Variants in SH3GL1 observed in about 807,000 individuals in gnomAD.
SH3GL1 encodes endophilin-A2.
A neutral mutation model predicts 48.8 loss-of-function variants in SH3GL1; 21 were observed. That is an observed-to-expected ratio of 0.43 (90% CI 0.30 to 0.62). The LOEUF (loss-of-function observed/expected upper bound fraction) is 0.62. Ranked by LOEUF, SH3GL1 falls within the 20% of genes least tolerant of loss-of-function variation. The pLI is 0.11. For synonymous variants in SH3GL1, 282 were observed against 217.5 expected, an observed-to-expected ratio of 1.30 and a Z score of -2.61; for missense variants, 454 against 503.0, an observed-to-expected ratio of 0.90 and a Z score of 0.93.
At chr19:4,361,853 T>G in intron 9 of SH3GL1, 57 bp from the exon 10 acceptor site, 1 of 1,302,346 alleles carries the variant, frequency 7.7e-7, no homozygotes, top group Non-Finnish European at 1.1e-6. Flanking sequence ...CCGCCCAGTC[T>G]GGGGTCTCAG....
At chr19:4,366,441 C>T in intron 3 of SH3GL1, 60 bp downstream of exon 3, 2 of 1,356,900 alleles carry the variant, frequency 1.5e-6, no homozygotes, top group Non-Finnish European at 2.1e-6. Context: ...CCCCTGCCTT[C>T]CCTCTGACAC....
intron 2 of SH3GL1, 78 bp downstream of exon 2, chr19:4,366,848 G>C: frequency 7.0e-7 from 1 of 1,419,642 alleles, no homozygotes; most frequent in East Asian, 2.3e-5. Context: ...CATCAAGGTT[G>C]GCCGCCTCCA....
Position 4,400,331 on chromosome 19 carries a change from G to A in SH3GL1, c.38C>T (p.Ala13Val). 1.3e-6 allele frequency: 2 copies of A among 1,598,912 alleles called. No homozygotes were observed. The highest frequency in any genetic ancestry group is 1.1e-5 in the South Asian group (1 of 89,898). Residue 13 changes from alanine to valine, a missense_variant, in exon 1 of 10, where the codon GCG (alanine) becomes GTG (valine). Around this residue, in one of 2 missense-constraint regions of SH3GL1, gnomAD observed 176 missense variants for 256.2 expected, o/e 0.69. Coordinates refer to ENST00000269886, the MANE Select transcript of SH3GL1 (RefSeq NM_003025.4). This position sits in a 1 kb window ranked among gnomAD's most constrained non-coding sequence, Gnocchi z 4.1. ...GCCTGGGCCTGCGCTCACCTGGCTCGCCTTGTAGAACTGCTTCTTCAGCCC... is the reference window on the plus strand; with the variant it reads ...GCCTGGGCCTGCGCTCACCTGGCTCACCTTGTAGAACTGCTTCTTCAGCCC... Reference protein sequence around the residue: ...VAGLKKQFYKASQLVSEKVGG... With the variant: ...VAGLKKQFYKVSQLVSEKVGG...
At position 4,389,131 on chromosome 19, in the gene SH3GL1, C is replaced by T. The variant is rs565191663; in HGVS notation, c.45+11193G>A. On this transcript the variant is annotated intron_variant, in intron 1 of 9. Transcript: ENST00000269886. The surrounding 1 kb of genome is among the most constrained non-coding windows in gnomAD (Gnocchi z 4.5). ...CTGAGAAGGAGCCCTCTAGCTCAGC[C>T]TCTGTAGGGGGCGTCTCTGGCAACC... Among the ~76,000 whole-genome samples the T allele has an allele frequency of 2.6e-5, 4 of 152,338 alleles. No individual in the cohort carries two copies. Among genetic ancestry groups the T allele is most frequent in the African/African-American group, 9.6e-5 (4 of 41,568 alleles).
chr19:4,397,101 A>G (rs1422947829), intron 1 of SH3GL1, among the ~76,000 whole-genome samples: 1 of 152,124 alleles, frequency 6.6e-6, no homozygotes, highest in Non-Finnish European at 1.5e-5. Context: ...TTGTTATTAG[A>G]CTAAAAACAA....
chr19:4,400,275 C>T lies in SH3GL1; in HGVS notation c.45+49G>A. The T allele has an allele frequency of 6.3e-7, 1 of 1,575,028 alleles. No individual in the cohort carries two copies. On this transcript the variant is annotated intron_variant, in intron 1 of 9. Coordinates refer to ENST00000269886, the MANE Select transcript of SH3GL1 (RefSeq NM_003025.4). This position sits in a 1 kb window ranked among gnomAD's most constrained non-coding sequence, Gnocchi z 4.1. ...CCAGGTCGGGCCTGGCTCCCTCATC[C>T]GGGCAGCCCGGGGCCCGGTACTCGG...
chr19:4,378,084 CAG>C (rs1333775074), intron 1 of SH3GL1, among the ~76,000 whole-genome samples: 1 of 152,226 alleles, frequency 6.6e-6, no homozygotes, highest in Non-Finnish European at 1.5e-5. Context: ...GGCACAGGGA[CAG>C]GGGTGGCAGA....
chr19:4,368,020 C>G (rs1221010979), intron 1 of SH3GL1, among the ~76,000 whole-genome samples: 1 of 152,250 alleles, frequency 6.6e-6, no homozygotes, highest in African/African-American at 2.4e-5. Context: ...GCCCTGCCCT[C>G]TGGGGGCCAA....
intron 1 of SH3GL1, among the ~76,000 whole-genome samples, chr19:4,383,795 C>T (rs1186207503): frequency 2.0e-5 from 3 of 152,224 alleles, no homozygotes; most frequent in South Asian, 2.1e-4. Flanking sequence ...CGGAACACAG[C>T]GTGAGAGCCG....
rs551021828 is a variant in SH3GL1, at chr19:4,368,041, G to A, written c.46-1047C>T. 1.3e-4 allele frequency among the ~76,000 whole-genome samples: 20 copies of A among 152,376 alleles called. No individual in the cohort carries two copies. The East Asian group carries it at 3.7e-3, about 28-fold the overall frequency. On this transcript the variant is annotated intron_variant, in intron 1 of 9. Transcript: ENST00000269886. ...CCCTCTGGGGGCCAAGTGTCACAGG[G>A]TGTGCCATCTCTGAAGTCATCGGCA... is the stretch of plus-strand genomic sequence containing the variant.
At chr19:4,371,063 C>A (rs185143020) in intron 1 of SH3GL1, among the ~76,000 whole-genome samples, 1 of 152,234 alleles carries the variant, frequency 6.6e-6, no homozygotes, top group Non-Finnish European at 1.5e-5. Context: ...ACCTGGGAAA[C>A]GAGCAAGCTG....
chr19:4,366,753 G>A (rs905137164), intron 2 of SH3GL1, among the ~76,000 whole-genome samples, 173 bp downstream of exon 2: 6 of 151,826 alleles, frequency 4.0e-5, no homozygotes, highest in African/African-American at 1.5e-4. Flanking sequence ...GGAGAGAGCT[G>A]GTGCCCGTCA....
chr19:4,364,051 G>A lies in SH3GL1; in HGVS notation c.465+37C>T, dbSNP rs752421108. 20 of 1,611,384 alleles carry A rather than the reference G, an allele frequency of 1.2e-5. No individual in the cohort carries two copies. In the East Asian group the frequency reaches 3.8e-4, roughly 31 times the overall value. ...AATGGGGCTGCCCCATCCGGCAGGG[G>A]GAAGGGACAGGCCCCAGGCTGGCGC... On this transcript the variant is annotated intron_variant, in intron 5 of 9. Coordinates refer to ENST00000269886, the MANE Select transcript of SH3GL1 (RefSeq NM_003025.4).
chr19:4,366,634 C>T (rs1972786709), intron 2 of SH3GL1, 61 bp from the exon 3 acceptor site: 1 of 1,467,026 alleles, frequency 6.8e-7, no homozygotes, highest in Non-Finnish European at 9.4e-7. Flanking sequence ...CACACAAGAC[C>T]CCCGCTGCTG....
intron 1 of SH3GL1, among the ~76,000 whole-genome samples, chr19:4,388,572 G>A (rs1175596196): frequency 1.3e-5 from 2 of 152,254 alleles, no homozygotes; most frequent in African/African-American, 4.8e-5. Context: ...TGCAGGATGG[G>A]TGGCCAGGCC....
At chr19:4,363,041 C>T (rs534543566) in intron 7 of SH3GL1, among the ~76,000 whole-genome samples, 7 of 152,300 alleles carry the variant, frequency 4.6e-5, no homozygotes, top group East Asian at 3.9e-4. Flanking sequence ...CCACGGACGG[C>T]GCCCCACATA....
intron 4 of SH3GL1, chr19:4,364,591 C>T (rs141303425): frequency 2.1e-4 from 57 of 274,062 alleles, no homozygotes; most frequent in Non-Finnish European, 3.6e-4. Flanking sequence ...CCACCACATC[C>T]AGCTAATTTT....
chr19:4,384,444 T>C lies in SH3GL1; in HGVS notation c.45+15880A>G, dbSNP rs988548748. 1.7e-4 allele frequency among the ~76,000 whole-genome samples: 26 copies of C among 152,316 alleles called. 1 individual carries two copies. The highest frequency in any genetic ancestry group is 1.6e-3 in the Admixed American group (25 of 15,296). On this transcript the variant is annotated intron_variant, in intron 1 of 9. Coordinates refer to ENST00000269886, the MANE Select transcript of SH3GL1 (RefSeq NM_003025.4). The stretch of plus-strand genomic sequence containing the variant: ...CTTTCGGTCATGCAAATTGAACAGG[T>C]TGTTTTTTTCCAGGCTAGGACTGCT...
intron 4 of SH3GL1, 128 bp from the exon 5 acceptor site, chr19:4,364,349 G>A: frequency 1.6e-6 from 2 of 1,239,204 alleles, no homozygotes; most frequent in Non-Finnish European, 2.3e-6. Context: ...CCAGCTCACT[G>A]CAGGCCTCAA....
Sources: allele counts gnomAD v4.1 joint callset (sites outside exome capture counted in the v4.1 genomes callset), GRCh38; gene constraint gnomAD v4.1.1; regional missense constraint gnomAD v4.1.1; non-coding constraint Gnocchi (gnomAD v3.1); transcripts MANE v1.5; gene names NCBI Gene and HGNC (gene_info 2026-07-23, HGNC 2026-07-21).